ZNF536: variants seen among roughly 807,000 people sequenced by gnomAD.
ZNF536 encodes zinc finger protein 536.
ZNF536 carries 13 observed loss-of-function variants against 84.5 expected under a neutral mutation model. That is an observed-to-expected ratio of 0.15 (90% confidence interval 0.10 to 0.24). ZNF536 has a LOEUF of 0.24. ZNF536 is among the 10% of genes least tolerant of loss of function. The probability of loss-of-function intolerance (pLI) is 1.00; values close to 1 mark genes in which losing one functional copy is unlikely to be tolerated. For synonymous variants in ZNF536, 811 were observed against 742.5 expected, an observed-to-expected ratio of 1.09 and a Z score of -1.50; for missense variants, 1,536 against 1,747.5, an observed-to-expected ratio of 0.88 and a Z score of 2.16.
chr19:30,637,111 C>G (rs1403193503), intron 1 of ZNF536, among the ~76,000 whole-genome samples: 9 of 152,158 alleles, frequency 5.9e-5, no homozygotes, highest in African/African-American at 1.9e-4. Flanking sequence ...TTTTAGGCAG[C>G]CTCTTGGGCA....
At chr19:30,534,422 T>A (rs1306570120) in intron 2 of ZNF536, among the ~76,000 whole-genome samples, 5 of 152,250 alleles carry the variant, frequency 3.3e-5, no homozygotes, top group South Asian at 2.1e-4. Flanking sequence ...ACATTTTTTT[T>A]AATTTGTTGC....
intron 2 of ZNF536, among the ~76,000 whole-genome samples, chr19:30,347,932 A>T (rs750603161): frequency 6.6e-6 from 1 of 152,186 alleles, no homozygotes; most frequent in Non-Finnish European, 1.5e-5. Context: ...CCTACTTAGG[A>T]TGTCTTCTCC....
At chr19:30,344,282 T>C (rs2047659197) in intron 2 of ZNF536, among the ~76,000 whole-genome samples, 2 of 45,532 alleles carry the variant, frequency 4.4e-5, no homozygotes, top group African/African-American at 3.0e-4. Context: ...CTACTAAAAA[T>C]ACACACACAC....
intron 2 of ZNF536, among the ~76,000 whole-genome samples, chr19:30,473,037 C>CAAAA (rs57627848): frequency 9.3e-6 from 1 of 107,372 alleles, no homozygotes; most frequent in Non-Finnish European, 2.2e-5. Context: ...ACTAAGAATA[C>CAAAA]AAAAAAAAAA....
intron 2 of ZNF536, among the ~76,000 whole-genome samples, chr19:30,304,470 C>A (rs2046287402): frequency 6.6e-6 from 1 of 152,220 alleles, no homozygotes; most frequent in African/African-American, 2.4e-5. Context: ...CTTTGCAGAG[C>A]TAGAATCCAA....
At chr19:30,512,459 T>C (rs1042048932) in intron 2 of ZNF536, among the ~76,000 whole-genome samples, 3 of 152,186 alleles carry the variant, frequency 2.0e-5, no homozygotes, top group Non-Finnish European at 4.4e-5. Context: ...TGTTTCATCT[T>C]GCAAACATTG....
intron 4 of ZNF536, among the ~76,000 whole-genome samples, chr19:30,552,095 C>T (rs1321811781): frequency 1.3e-5 from 2 of 152,070 alleles, no homozygotes; most frequent in East Asian, 3.9e-4. Context: ...GCACAAGTGA[C>T]ATTTGTAAGC....
intron 1 of ZNF536, among the ~76,000 whole-genome samples, chr19:30,281,578 G>T (rs1423793047): frequency 6.6e-6 from 1 of 151,916 alleles, no homozygotes; most frequent in Non-Finnish European, 1.5e-5. Flanking sequence ...CACCACAGGT[G>T]CTGGGAAGGG....
chr19:30,671,338 T>C (rs1355226121), intron 1 of ZNF536, among the ~76,000 whole-genome samples: 2 of 152,216 alleles, frequency 1.3e-5, no homozygotes, highest in African/African-American at 4.8e-5. Flanking sequence ...TAGCATGTGA[T>C]GATCACTGGA....
At chr19:30,429,148 T>A (rs988806825) in intron 1 of ZNF536, among the ~76,000 whole-genome samples, 35 of 152,248 alleles carry the variant, frequency 2.3e-4, no homozygotes, top group Admixed American at 4.6e-4. Flanking sequence ...TTGTCTTGGA[T>A]CCTGGCCCTG....
At chr19:30,288,300 G>C (rs940920454) in intron 2 of ZNF536, among the ~76,000 whole-genome samples, 1 of 152,092 alleles carries the variant, frequency 6.6e-6, no homozygotes, top group African/African-American at 2.4e-5. Flanking sequence ...TGTTCTTCTG[G>C]AGATTTTTGT....
chr19:30,398,304 C>T (rs549463828), intron 1 of ZNF536, among the ~76,000 whole-genome samples: 11 of 152,242 alleles, frequency 7.2e-5, no homozygotes, highest in Admixed American at 5.9e-4. Context: ...GGTGCCTACC[C>T]ATCTGTTTAA....
chr19:30,383,757 CTCTTTCT>C (rs368147542), intron 1 of ZNF536, among the ~76,000 whole-genome samples: 1,264 of 86,920 alleles, frequency 0.015, 87 homozygotes, highest in South Asian at 0.052. Flanking sequence ...TTCTTTCTTT[CTCTTTCT>C]TTCTTTCTTT....
intron 2 of ZNF536, among the ~76,000 whole-genome samples, chr19:30,514,159 C>T (rs995828033): frequency 2.6e-5 from 4 of 152,170 alleles, no homozygotes; most frequent in South Asian, 2.1e-4. Context: ...AGTGATTCCC[C>T]TAAGGAGAGG....
intron 2 of ZNF536, among the ~76,000 whole-genome samples, chr19:30,349,651 C>T (rs907718716): frequency 6.6e-6 from 1 of 152,076 alleles, no homozygotes; most frequent in African/African-American, 2.4e-5. Flanking sequence ...CCCTCCTCTC[C>T]TTGGGGTCTG....
At chr19:30,677,853 G>A in intron 1 of ZNF536, among the ~76,000 whole-genome samples, 1 of 152,230 alleles carries the variant, frequency 6.6e-6, no homozygotes, top group Non-Finnish European at 1.5e-5. Context: ...ATCCCTGAAT[G>A]GGAGTCTCTG....
chr19:30,400,501 A>T (rs2050003561), intron 1 of ZNF536, among the ~76,000 whole-genome samples: 1 of 152,082 alleles, frequency 6.6e-6, no homozygotes, highest in Non-Finnish European at 1.5e-5. Flanking sequence ...TTTTGGTGAA[A>T]TATCTGGCCA....
At position 30,355,874 on chromosome 19, in the gene ZNF536, C is replaced by T. The variant is rs181373685; in HGVS notation, c.-3+3390C>T. Among the ~76,000 whole-genome samples the T allele has an allele frequency of 2.4e-4, 36 of 152,228 alleles. No individual in the cohort carries two copies. The East Asian group carries it at 5.8e-3, about 25-fold the overall frequency. On this transcript the variant is annotated intron_variant, in intron 3 of 5. Transcript: ENST00000585628. ...TGATCTAAAGTGGCACAGTTTCACCCGAAACTCTCACCGCCTCCCAATCCA... is the reference window on the plus strand; with the variant it reads ...TGATCTAAAGTGGCACAGTTTCACCTGAAACTCTCACCGCCTCCCAATCCA...
Position 30,380,449 on chromosome 19 carries a change from G to A in ZNF536, c.-3+7893G>A, listed in dbSNP as rs1354702865. Among the ~76,000 whole-genome samples, 4 of 152,168 alleles carry A rather than the reference G, an allele frequency of 2.6e-5. No homozygotes were observed. The East Asian group carries it at 7.7e-4, about 29-fold the overall frequency. ...CACGAGCACCCCCGGAGAACCCACG[G>A]CTCGGCCCTGAGACACTGTGAGGCC... On this transcript the variant is annotated intron_variant, in intron 1 of 4. Coordinates refer to ENST00000355537, the MANE Select transcript of ZNF536 (RefSeq NM_014717.3).
Sources: gnomAD v4.1 joint callset for allele counts (sites outside exome capture counted in the v4.1 genomes callset) on GRCh38, gnomAD v4.1.1 for gene constraint, MANE v1.5 for transcripts, NCBI Gene and HGNC (gene_info 2026-07-23, HGNC 2026-07-21) for gene names.